DSCAML1: variants seen among roughly 807,000 people sequenced by gnomAD.
DSCAML1 encodes cell adhesion molecule DSCAML1.
Under a neutral mutation model 200.5 loss-of-function variants are expected in DSCAML1, and 38 were observed. The ratio of observed to expected loss-of-function variants is 0.19; its 90% CI spans 0.15 to 0.25. DSCAML1 has a LOEUF of 0.25. DSCAML1 is among the 10% of genes least tolerant of loss of function. The probability of loss-of-function intolerance (pLI) is 1.00; values close to 1 mark genes in which losing one functional copy is unlikely to be tolerated. For synonymous variants in DSCAML1, 1,215 were observed against 1,165.0 expected, an observed-to-expected ratio of 1.04 and a Z score of -0.87; for missense variants, 2,223 against 2,858.8, an observed-to-expected ratio of 0.78 and a Z score of 5.07.
At chr11:117,700,375 C>T (rs1238723290) in intron 3 of DSCAML1, among the ~76,000 whole-genome samples, 1 of 152,202 alleles carries the variant, frequency 6.6e-6, no homozygotes. Context: ...CACCACATCA[C>T]ATCCTATCCT....
chr11:117,518,724 C>T lies in DSCAML1; in HGVS notation c.1252G>A (p.Val418Met). ...PRIVSSFSEKVVNPGEQFSLM... is the reference protein window; with the variant it reads ...PRIVSSFSEKMVNPGEQFSLM... ...GAGAACTGCTCCCCGGGGTTGACCACCTTCTCGCTGAAGGACGAGACGATG... is the reference window on the plus strand; with the variant it reads ...GAGAACTGCTCCCCGGGGTTGACCATCTTCTCGCTGAAGGACGAGACGATG... Residue 418 changes from valine (V) to methionine (M), a missense_variant, in exon 7 of 33, where the codon GTG (valine) becomes ATG (methionine). Physicochemically the swap from Val to Met is conservative, Grantham distance 21. Around this residue, in one of 7 missense-constraint regions of DSCAML1, gnomAD observed 579 missense variants for 721.5 expected, o/e 0.80. Transcript: ENST00000651296. The surrounding 1 kb of genome is among the most constrained non-coding windows in gnomAD (Gnocchi z 6.3). 6.2e-7 allele frequency: 1 copy of T among 1,612,920 alleles called. No individual in the cohort carries two copies. Among genetic ancestry groups the T allele is most frequent in the Non-Finnish European group, 8.5e-7 (1 of 1,180,010 alleles).
chr11:117,718,352 C>A (rs2053987602), intron 3 of DSCAML1, among the ~76,000 whole-genome samples: 1 of 152,304 alleles, frequency 6.6e-6, no homozygotes, highest in African/African-American at 2.4e-5. Context: ...CCTTCATAAG[C>A]CCCCAAGTTG....
intron 3 of DSCAML1, among the ~76,000 whole-genome samples, chr11:117,532,865 C>A (rs1720181761): frequency 6.6e-6 from 1 of 152,048 alleles, no homozygotes; most frequent in Admixed American, 6.5e-5. Flanking sequence ...TGGCTCGCAC[C>A]TGTAATCCCA....
intron 3 of DSCAML1, among the ~76,000 whole-genome samples, chr11:117,663,309 C>T (rs180864596): frequency 4.2e-4 from 64 of 152,274 alleles, no homozygotes; most frequent in Admixed American, 1.8e-3. Context: ...TCTTTGCTCC[C>T]ACCTTTCCCC....
At chr11:117,585,877 C>T (rs1189662904) in intron 3 of DSCAML1, among the ~76,000 whole-genome samples, 1 of 152,176 alleles carries the variant, frequency 6.6e-6, no homozygotes, top group Non-Finnish European at 1.5e-5. Context: ...TTTCCATGCT[C>T]TCACAGTATT....
Position 117,642,114 on chromosome 11 carries a change from C to T in DSCAML1, c.512-109592G>A, listed in dbSNP as rs2052421981. ...TACCTCACCTGCCCTTACCATTGCC[C>T]TCGAATTATTTCTGGTTTGTAATCC... On this transcript the variant is annotated intron_variant, in intron 3 of 32. Coordinates refer to ENST00000651296, the MANE Select transcript of DSCAML1 (RefSeq NM_020693.4). This position sits in a 1 kb window ranked among gnomAD's most constrained non-coding sequence, Gnocchi z 4.1. Among the ~76,000 whole-genome samples, 1 of 152,166 alleles carries T rather than the reference C, an allele frequency of 6.6e-6. No individual in the cohort carries two copies. Among genetic ancestry groups the T allele is most frequent in the Non-Finnish European group, 1.5e-5 (1 of 68,026 alleles).
chr11:117,803,250 G>A (rs567755068), intron 1 of DSCAML1, among the ~76,000 whole-genome samples: 81 of 152,246 alleles, frequency 5.3e-4, no homozygotes, highest in South Asian at 3.1e-3. Context: ...TGTGGCCTCA[G>A]GTGCCTGCAC....
At chr11:117,800,114 C>T (rs143007149), upstream of DSCAML1, among the ~76,000 whole-genome samples, 13 of 152,272 alleles carry the variant, frequency 8.5e-5, no homozygotes, top group South Asian at 4.2e-4. Context: ...TTTGTGTTTC[C>T]CATTGATTTT....
chr11:117,536,024 C>G (rs688968), intron 3 of DSCAML1, among the ~76,000 whole-genome samples: 31,093 of 151,944 alleles, frequency 0.2, 3,312 homozygotes, highest in South Asian at 0.34. Context: ...TCCCTCCCCC[C>G]CTTCTTGTGC....
chr11:117,546,590 T>C (rs1226225120), intron 3 of DSCAML1, among the ~76,000 whole-genome samples: 2 of 152,096 alleles, frequency 1.3e-5, no homozygotes, highest in East Asian at 3.9e-4. Flanking sequence ...AGGACCCTAC[T>C]CAGCTTCCCG....
rs537089787 is a variant in DSCAML1 at position 117,718,184 on chromosome 11, G to T, written c.511+58607C>A. Among the ~76,000 whole-genome samples the T allele has an allele frequency of 2.6e-5, 4 of 152,324 alleles. No homozygotes were observed. The East Asian group carries it at 7.7e-4, about 29-fold the overall frequency. ...TGCGAGGTCAGTGGGGCATTGCCGC[G>T]CCGGCTCCAGCCTCTCTAGAAGCCA... On this transcript the variant is annotated intron_variant, in intron 3 of 32. Coordinates refer to ENST00000651296, the MANE Select transcript of DSCAML1 (RefSeq NM_020693.4).
chr11:117,515,177 C>A (rs954061755), intron 8 of DSCAML1, among the ~76,000 whole-genome samples: 3 of 152,242 alleles, frequency 2.0e-5, no homozygotes, highest in Non-Finnish European at 4.4e-5. Context: ...CAGAGGACAG[C>A]CTGTCCACTT....
At chr11:117,721,590 C>T (rs973550272) in intron 3 of DSCAML1, among the ~76,000 whole-genome samples, 3 of 149,722 alleles carry the variant, frequency 2.0e-5, no homozygotes, top group East Asian at 1.9e-4. Context: ...GTTTAAAACT[C>T]GTCATGTTCC....
chr11:117,780,674 C>A lies in DSCAML1; in HGVS notation c.183G>T (p.Leu61=), dbSNP rs1380764675. 1 of 1,593,570 alleles carries A rather than the reference C, an allele frequency of 6.3e-7. No individual in the cohort carries two copies. Among genetic ancestry groups the A allele is most frequent in the East Asian group, 2.3e-5 (1 of 43,586 alleles). ...CGTCGTAGATGTCGTCCCCTGTGGC[C>A]AGGTACCATCGAAGGGCCGCGCTGG... ...GSPSAALRWY[L]ATGDDIYDVP... is the part of the protein sequence containing the mutation. The change falls in exon 2 of 33, where the codon CTG becomes CTT. Residue 61 remains leucine (L), a synonymous_variant. Transcript: ENST00000651296. The surrounding 1 kb of genome is among the most constrained non-coding windows in gnomAD (Gnocchi z 4.8).
intron 27 of DSCAML1, 59 bp downstream of exon 27, chr11:117,435,585 G>C (rs989046999): frequency 2.0e-6 from 3 of 1,530,636 alleles, no homozygotes; most frequent in African/African-American, 2.7e-5. Context: ...GGAAGGGGGG[G>C]GACAATGTGG....
At chr11:117,683,719 G>T (rs1481121517) in intron 3 of DSCAML1, among the ~76,000 whole-genome samples, 4 of 152,218 alleles carry the variant, frequency 2.6e-5, no homozygotes, top group African/African-American at 9.6e-5. Context: ...TTGGGCAAGT[G>T]ACTCAACCTC....
intron 3 of DSCAML1, among the ~76,000 whole-genome samples, chr11:117,700,711 A>G (rs7130852): frequency 0.23 from 34,511 of 152,200 alleles, 4,937 homozygotes; most frequent in African/African-American, 0.41. Flanking sequence ...CTGTGATAGA[A>G]ACATGTCTGT....
intron 23 of DSCAML1, 124 bp from the exon 24 acceptor site, chr11:117,439,107 C>T: frequency 1.5e-6 from 2 of 1,334,132 alleles, no homozygotes; most frequent in South Asian, 2.9e-5. Flanking sequence ...CACTCCCCAG[C>T]TCTCCTGCCT....
rs374991121 is a variant in DSCAML1 at position 117,780,704 on chromosome 11, G to T, written c.153C>A (p.Gly51=). The part of the protein sequence containing the change: ...VGVVVPCPAA[G]SPSAALRWYL... ...ACCATCGAAGGGCCGCGCTGGGGGA[G>T]CCCGCGGCCGGGCAGGGCACCACCA... is the stretch of plus-strand genomic sequence containing the variant. The change falls in exon 2 of 33, where the codon GGC becomes GGA. Residue 51 remains glycine, a synonymous_variant. Coordinates refer to ENST00000651296, the MANE Select transcript of DSCAML1 (RefSeq NM_020693.4). The surrounding 1 kb of genome is among the most constrained non-coding windows in gnomAD (Gnocchi z 4.8). 2.2e-5 allele frequency: 35 copies of T among 1,581,966 alleles called. 1 individual carries two copies. Among genetic ancestry groups the T allele is most frequent in the Non-Finnish European group, 2.8e-5 (32 of 1,162,984 alleles).
Sources: allele counts gnomAD v4.1 joint callset (sites outside exome capture counted in the v4.1 genomes callset), GRCh38; gene constraint gnomAD v4.1.1; regional missense constraint gnomAD v4.1.1; non-coding constraint Gnocchi (gnomAD v3.1); transcripts MANE v1.5; gene names NCBI Gene and HGNC (gene_info 2026-07-23, HGNC 2026-07-21).